Variants in NAALADL2 observed in about 807,000 individuals in gnomAD.
The protein encoded by NAALADL2 is inactive N-acetylated-alpha-linked acidic dipeptidase-like protein 2.
A neutral mutation model predicts 87.2 loss-of-function variants in NAALADL2; 76 were observed. The observed-to-expected ratio is 0.87, with a 90% CI of 0.72 to 1.05. The LOEUF is 1.05. Ranked by LOEUF, NAALADL2 falls within the 50% of genes least tolerant of loss-of-function variation. NAALADL2 has a pLI of 0.00. For missense variants in NAALADL2, 1,089 were observed against 945.8 expected (o/e 1.15, Z -1.99); for synonymous variants, 354 against 331.0 (o/e 1.07, Z -0.75).
At chr3:174,448,445 T>G (rs1437794773) in intron 1 of NAALADL2, among the ~76,000 whole-genome samples, 1 of 152,200 alleles carries the variant, frequency 6.6e-6, no homozygotes, top group Non-Finnish European at 1.5e-5. Context: ...ATTATGCACT[T>G]TCTTCTAAGT....
Position 175,159,457 on chromosome 3 carries a change from T to G in NAALADL2, c.545+62166T>G, listed in dbSNP as rs143882628. On this transcript the variant is annotated intron_variant, in intron 2 of 13. Coordinates refer to ENST00000454872, the MANE Select transcript of NAALADL2 (RefSeq NM_207015.3). ...GAAAGAAGGGTTAAGAGTTTTGTTT[T>G]GCATACACACATATCATAATATACA... Among the ~76,000 whole-genome samples, 13 of 152,304 alleles carry G rather than the reference T, an allele frequency of 8.5e-5. No homozygotes were observed. The East Asian group carries it at 2.5e-3, about 29-fold the overall frequency.
intron 1 of NAALADL2, among the ~76,000 whole-genome samples, chr3:175,003,861 G>A (rs186974347): frequency 4.6e-5 from 7 of 152,302 alleles, no homozygotes; most frequent in African/African-American, 1.4e-4. Flanking sequence ...AGAGCAGTGT[G>A]CATTCACAAC....
intron 7 of NAALADL2, among the ~76,000 whole-genome samples, chr3:175,466,256 C>T (rs975057314): frequency 2.0e-5 from 3 of 152,092 alleles, no homozygotes; most frequent in East Asian, 1.9e-4. Flanking sequence ...CAATAACATT[C>T]GCTGACAAGA....
At chr3:175,302,032 T>C (rs1031757444) in intron 4 of NAALADL2, among the ~76,000 whole-genome samples, 1 of 147,888 alleles carries the variant, frequency 6.8e-6, no homozygotes, top group African/African-American at 2.5e-5. Context: ...AATTTGATCA[T>C]GGTGATGCAG....
At chr3:174,605,417 A>C (rs1428672357) in intron 2 of NAALADL2, among the ~76,000 whole-genome samples, 2 of 152,218 alleles carry the variant, frequency 1.3e-5, no homozygotes, top group Non-Finnish European at 2.9e-5. Flanking sequence ...TCCTAGTCAA[A>C]GAAAGGGGTG....
intron 1 of NAALADL2, among the ~76,000 whole-genome samples, chr3:174,544,354 T>C (rs1362371156): frequency 2.0e-5 from 3 of 152,136 alleles, no homozygotes; most frequent in Non-Finnish European, 4.4e-5. Context: ...TTTATAACTA[T>C]GTGAATATTT....
chr3:175,072,808 T>G (rs1266061408), intron 1 of NAALADL2, among the ~76,000 whole-genome samples: 2 of 151,412 alleles, frequency 1.3e-5, no homozygotes, highest in Non-Finnish European at 2.9e-5. Context: ...CTGCACATTG[T>G]GCACATGTAC....
chr3:175,343,602 T>C (rs1762788140), intron 5 of NAALADL2, among the ~76,000 whole-genome samples: 1 of 150,650 alleles, frequency 6.6e-6, no homozygotes, highest in Admixed American at 6.7e-5. Context: ...CTTTCATGCA[T>C]TATGTGTAAG....
intron 10 of NAALADL2, among the ~76,000 whole-genome samples, chr3:175,603,820 C>G (rs1026246925): frequency 1.3e-5 from 2 of 151,518 alleles, no homozygotes; most frequent in Non-Finnish European, 2.9e-5. Flanking sequence ...GGCAAGACCC[C>G]ATCTATAAAA....
chr3:175,796,688 C>T (rs1560026250), intron 13 of NAALADL2, among the ~76,000 whole-genome samples: 3 of 152,170 alleles, frequency 2.0e-5, no homozygotes, highest in Admixed American at 1.3e-4. Flanking sequence ...GAACTTTTCT[C>T]TCTGCATTCA....
At position 175,479,383 on chromosome 3, in the gene NAALADL2, T is replaced by C. The variant is rs546440961; in HGVS notation, c.1653+7625T>C. Among the ~76,000 whole-genome samples, 33 of 151,976 alleles carry C rather than the reference T, an allele frequency of 2.2e-4. No individual in the cohort carries two copies. In the South Asian group the frequency reaches 3.3e-3, roughly 15 times the overall value. Reference sequence around the variant, plus strand: ...TATACAAAGTAGAACCTTCAGTATGTTATCTTGCATTATAAAGATCCAAAG... The same window carrying C: ...TATACAAAGTAGAACCTTCAGTATGCTATCTTGCATTATAAAGATCCAAAG... On this transcript the variant is annotated intron_variant, in intron 9 of 13. Transcript: ENST00000454872.
intron 11 of NAALADL2, among the ~76,000 whole-genome samples, chr3:175,636,696 T>TAAAAAAAA (rs529189291): frequency 1.2e-5 from 1 of 82,390 alleles, no homozygotes; most frequent in Non-Finnish European, 2.4e-5. Flanking sequence ...AGACTCCATC[T>TAAAAAAAA]AAAAAAAAAA....
rs138726669 is a variant in NAALADL2 at position 174,534,189 on chromosome 3, G to A, written c.-183-16380G>A. 3.0e-3 allele frequency among the ~76,000 whole-genome samples: 456 copies of A among 152,216 alleles called. 3 individuals carry two copies. Among genetic ancestry groups the A allele is most frequent in the African/African-American group, 0.011 (438 of 41,540 alleles). ...ACTACACAATATTTCTTAGTAAAAT[G>A]TGCTATGAAACCATTTAAATAAAAC... On this transcript the variant is annotated intron_variant, in intron 1 of 3. Transcript: ENST00000434257.
intron 3 of NAALADL2, among the ~76,000 whole-genome samples, chr3:174,852,288 G>A (rs928046914): frequency 6.6e-6 from 1 of 152,012 alleles, no homozygotes; most frequent in Non-Finnish European, 1.5e-5. Flanking sequence ...ATCCTTCCTT[G>A]CAGATGTTAT....
At chr3:175,411,014 T>C (rs1188099615) in intron 5 of NAALADL2, among the ~76,000 whole-genome samples, 2 of 152,160 alleles carry the variant, frequency 1.3e-5, no homozygotes, top group African/African-American at 2.4e-5. Context: ...TGCGGTGTTA[T>C]AGGACCATTA....
chr3:175,221,116 T>C (rs1475122914), intron 2 of NAALADL2, among the ~76,000 whole-genome samples: 1 of 151,652 alleles, frequency 6.6e-6, no homozygotes, highest in Non-Finnish European at 1.5e-5. Flanking sequence ...GGAGAATCAC[T>C]TGAACCCAGG....
chr3:175,132,525 T>TC (rs1374704915), intron 2 of NAALADL2, among the ~76,000 whole-genome samples: 1 of 1,290 alleles, frequency 7.8e-4, no homozygotes. Flanking sequence ...GAGGCGCCCC[T>TC]CACTCCCGGA....
intron 4 of NAALADL2, among the ~76,000 whole-genome samples, chr3:175,276,705 A>G (rs73184716): frequency 0.03 from 4,539 of 152,308 alleles, 88 homozygotes; most frequent in South Asian, 0.053. Context: ...AACCTTTCAA[A>G]TTATACTACT....
In NAALADL2 at chr3:175,692,206, CT is replaced by C. The variant is rs923436093; in HGVS notation, c.1897-45091del. 2.2e-3 allele frequency among the ~76,000 whole-genome samples: 329 copies of C among 151,228 alleles called. 2 individuals are homozygous for C. Among genetic ancestry groups the C allele is most frequent in the African/African-American group, 7.3e-3 (301 of 41,318 alleles). ...TCATAGGGGATTTCTCTTGTTTTCA[CT>C]TTTTTTTTGCCAATTTTCTTAAAAC... On this transcript the variant is annotated intron_variant, in intron 11 of 13. Coordinates refer to ENST00000454872, the MANE Select transcript of NAALADL2 (RefSeq NM_207015.3).
Sources: allele counts gnomAD v4.1 joint callset (sites outside exome capture counted in the v4.1 genomes callset), GRCh38; gene constraint gnomAD v4.1.1; transcripts MANE v1.5; gene names NCBI Gene and HGNC (gene_info 2026-07-23, HGNC 2026-07-21).